NUCKS1: variants seen among roughly 807,000 people sequenced by gnomAD.
NUCKS1 encodes the protein nuclear casein kinase and cyclin dependent kinase substrate 1.
NUCKS1 carries 2 observed loss-of-function variants against 33.0 expected under a neutral mutation model. The observed-to-expected ratio is 0.06, with a 90% CI of 0.02 to 0.19. NUCKS1 has a LOEUF of 0.19. NUCKS1 is among the 10% of genes least tolerant of loss of function. The probability of loss-of-function intolerance (pLI) is 1.00; values close to 1 mark genes in which losing one functional copy is unlikely to be tolerated. For synonymous variants in NUCKS1, 106 were observed against 102.8 expected (o/e 1.03, Z -0.19); for missense variants, 201 against 293.6 (o/e 0.68, Z 2.31).
At position 205,714,927 on chromosome 1, in the gene NUCKS1, C is replaced by G. The variant is rs931725680; in HGVS notation, c.*3353G>C. ...TCTTCAAAGCTGCAACAGTGGCCAC[C>G]ATGATCTTTTATAAAGCTTTCCCCG... On this transcript the variant is annotated 3_prime_UTR_variant, in exon 7 of 7. Transcript: ENST00000367142. 2.6e-5 allele frequency: 4 copies of G among 152,120 alleles called. No individual in the cohort carries two copies. Among genetic ancestry groups the G allele is most frequent in the Admixed American group, 6.6e-5 (1 of 15,262 alleles). The allele number at this position is 152,120 out of a possible 1,614,324, so 9.4% of individuals were successfully genotyped here.
intron 1 of NUCKS1, among the ~76,000 whole-genome samples, chr1:205,749,445 GC>G (rs1239161420): frequency 6.6e-6 from 1 of 152,082 alleles, no homozygotes; most frequent in East Asian, 1.9e-4. Context: ...CTCCCCCTTT[GC>G]CAGGAACACC....
chr1:205,728,112 T>G (rs1653822200), intron 2 of NUCKS1, among the ~76,000 whole-genome samples: 1 of 152,218 alleles, frequency 6.6e-6, no homozygotes, highest in African/African-American at 2.4e-5. Flanking sequence ...TGAAAATTAT[T>G]GTAATATGGT....
In NUCKS1 at chr1:205,715,648, G is replaced by A. The variant is rs1403943513; in HGVS notation, c.*2632C>T. The A allele has an allele frequency of 6.6e-6, 1 of 152,244 alleles. No homozygotes were observed. 9.4% of individuals were successfully genotyped at this position (152,244 alleles called of 1,614,324 possible). A position where few individuals can be genotyped will look rare whatever the true frequency, so the allele number is the denominator to read the frequency against. The stretch of plus-strand genomic sequence containing the variant: ...GAATGTAGTGTCAGTCAGCATAGCT[G>A]CTGAAATCTACGTTGTAGAGGTAAA... On this transcript the variant is annotated 3_prime_UTR_variant, in exon 7 of 7. Transcript: ENST00000367142.
At chr1:205,728,459 C>G (rs563436465) in intron 2 of NUCKS1, among the ~76,000 whole-genome samples, 63 of 152,052 alleles carry the variant, frequency 4.1e-4, no homozygotes, top group African/African-American at 1.5e-3. Context: ...TTTCAAATAC[C>G]TTTTATTAAC....
At chr1:205,729,221 G>A (rs2102436536) in intron 2 of NUCKS1, among the ~76,000 whole-genome samples, 1 of 152,006 alleles carries the variant, frequency 6.6e-6, no homozygotes, top group South Asian at 2.1e-4. Context: ...CGCCCACCTT[G>A]GCCTCCCAAA....
intron 1 of NUCKS1, among the ~76,000 whole-genome samples, chr1:205,739,029 A>G (rs1443925477): frequency 1.3e-5 from 2 of 152,220 alleles, no homozygotes; most frequent in Admixed American, 6.5e-5. Context: ...ACTTTTAGTA[A>G]TAATTATAAC....
rs1179068427 is a variant in NUCKS1 at position 205,717,397 on chromosome 1, T to C, written c.*883A>G. 5.3e-6 allele frequency: 5 copies of C among 946,910 alleles called. No homozygotes were observed. The highest frequency in any genetic ancestry group is 1.2e-4 in the East Asian group (1 of 8,500). 58.7% of individuals were successfully genotyped at this position (946,910 alleles called of 1,614,324 possible). On this transcript the variant is annotated 3_prime_UTR_variant, in exon 7 of 7. Transcript: ENST00000367142. ...GATCTTGTTGATTAAATTCTAGGGT[T>C]TTTTTTTTTTTGGATTCTTGGTAAA...
Position 205,714,243 on chromosome 1 carries a change from C to G in NUCKS1, c.*4037G>C, listed in dbSNP as rs561994097. The G allele has an allele frequency of 6.6e-6, 1 of 152,080 alleles. No homozygotes were observed. Among genetic ancestry groups the G allele is most frequent in the South Asian group, 2.1e-4 (1 of 4,814 alleles). 9.4% of individuals were successfully genotyped at this position (152,080 alleles called of 1,614,324 possible). ...TTTAGGGCATAAGCTGAGTACTATA[C>G]CCCCACACCCCATCAAAAAAGGAAC... On this transcript the variant is annotated 3_prime_UTR_variant, in exon 7 of 7. Transcript: ENST00000367142.
At chr1:205,724,654 G>A (rs1292341298) in intron 3 of NUCKS1, among the ~76,000 whole-genome samples, 1 of 152,036 alleles carries the variant, frequency 6.6e-6, no homozygotes, top group Non-Finnish European at 1.5e-5. Context: ...GGATTGCACC[G>A]CTGCACTCCA....
In NUCKS1 at chr1:205,714,605, A is replaced by C. The variant is rs1349337042; in HGVS notation, c.*3675T>G. 6.6e-6 allele frequency: 1 copy of C among 152,182 alleles called. No homozygotes were observed. Among genetic ancestry groups the C allele is most frequent in the Non-Finnish European group, 1.5e-5 (1 of 68,040 alleles). 9.4% of individuals were successfully genotyped at this position (152,182 alleles called of 1,614,324 possible). A position where few individuals can be genotyped will look rare whatever the true frequency, so the allele number is the denominator to read the frequency against. Reference sequence around the variant, plus strand: ...GGTTGCGACTGAAACTTGGCTATAGATAGCTTGATGTCCCAATATTCAAAC... The same window carrying C: ...GGTTGCGACTGAAACTTGGCTATAGCTAGCTTGATGTCCCAATATTCAAAC... On this transcript the variant is annotated 3_prime_UTR_variant, in exon 7 of 7. Transcript: ENST00000367142.
chr1:205,741,015 C>A (rs867241048), intron 1 of NUCKS1, among the ~76,000 whole-genome samples: 2 of 151,736 alleles, frequency 1.3e-5, no homozygotes, highest in Non-Finnish European at 2.9e-5. Context: ...TTTAAAGTCA[C>A]ACACGGCCGG....
chr1:205,733,854 T>G (rs781213283), intron 1 of NUCKS1, among the ~76,000 whole-genome samples: 1 of 152,056 alleles, frequency 6.6e-6, no homozygotes, highest in Non-Finnish European at 1.5e-5. Context: ...TACCTACCTA[T>G]CTTCCATCTG....
At chr1:205,728,328 G>GCA (rs138020930) in intron 2 of NUCKS1, among the ~76,000 whole-genome samples, 8,806 of 149,052 alleles carry the variant, frequency 0.059, 253 homozygotes, top group Non-Finnish European at 0.068. Flanking sequence ...ACACACACAT[G>GCA]CACACACACA....
At chr1:205,730,460 CAG>C (rs1653880766) in intron 1 of NUCKS1, among the ~76,000 whole-genome samples, 1 of 151,988 alleles carries the variant, frequency 6.6e-6, no homozygotes, top group Non-Finnish European at 1.5e-5. Context: ...CTGCTCATCT[CAG>C]TGATAATTCA....
chr1:205,750,122 CTT>C lies in NUCKS1; in HGVS notation c.-151_-150del, dbSNP rs1328574223. 3.6e-6 allele frequency: 3 copies of C among 829,486 alleles called. No individual in the cohort carries two copies. The highest frequency in any genetic ancestry group is 2.9e-5 in the East Asian group (1 of 34,590). The allele number at this position is 829,486 out of a possible 1,614,324, so 51.4% of individuals were successfully genotyped here. ...TGCTGGCTTCTCAAACTCCGCTGCT[CTT>C]TGGTTCAGGGCTCCTGGAACAGACG... is the stretch of plus-strand genomic sequence containing the variant. On this transcript the variant is annotated 5_prime_UTR_variant, in exon 1 of 7. Coordinates refer to ENST00000367142, the MANE Select transcript of NUCKS1 (RefSeq NM_022731.5).
intron 1 of NUCKS1, among the ~76,000 whole-genome samples, chr1:205,749,034 T>G (rs542963605): frequency 6.6e-6 from 1 of 151,902 alleles, no homozygotes; most frequent in Admixed American, 6.6e-5. Context: ...ATTCCGAGAA[T>G]GAAGTCTGAT....
Position 205,750,118 on chromosome 1 carries a change from T to A in NUCKS1, c.-145A>T. 1 of 774,854 alleles carries A rather than the reference T, an allele frequency of 1.3e-6. No homozygotes were observed. Among genetic ancestry groups the A allele is most frequent in the Non-Finnish European group, 2.1e-6 (1 of 479,408 alleles). The allele number at this position is 774,854 out of a possible 1,614,324, so 48.0% of individuals were successfully genotyped here. On this transcript the variant is annotated 5_prime_UTR_variant, in exon 1 of 7. Coordinates refer to ENST00000367142, the MANE Select transcript of NUCKS1 (RefSeq NM_022731.5). The stretch of plus-strand genomic sequence containing the variant: ...GAGCTGCTGGCTTCTCAAACTCCGC[T>A]GCTCTTTGGTTCAGGGCTCCTGGAA...
chr1:205,717,362 C>A lies in NUCKS1; in HGVS notation c.*918G>T, dbSNP rs1184972907. The A allele has an allele frequency of 1.0e-6, 1 of 986,104 alleles. No homozygotes were observed. The highest frequency in any genetic ancestry group is 1.2e-6 in the Non-Finnish European group (1 of 829,558). 61.1% of individuals were successfully genotyped at this position (986,104 alleles called of 1,614,324 possible). ...CAGTTTGAAAAGAAATCCACTGTGA[C>A]CTGTAGACTGATCTTGTTGATTAAA... On this transcript the variant is annotated 3_prime_UTR_variant, in exon 7 of 7. Coordinates refer to ENST00000367142, the MANE Select transcript of NUCKS1 (RefSeq NM_022731.5).
At chr1:205,728,375 C>T (rs1408087922) in intron 2 of NUCKS1, among the ~76,000 whole-genome samples, 3 of 151,906 alleles carry the variant, frequency 2.0e-5, no homozygotes, top group Admixed American at 6.6e-5. Context: ...TAGTCTGGAG[C>T]GTCAGCAATT....
Sources: gnomAD v4.1 joint callset for allele counts (sites outside exome capture counted in the v4.1 genomes callset) on GRCh38, gnomAD v4.1.1 for gene constraint, MANE v1.5 for transcripts, NCBI Gene and HGNC (gene_info 2026-07-23, HGNC 2026-07-21) for gene names.